Variants in POLR3E observed in about 807,000 individuals in gnomAD.
POLR3E encodes the protein RNA polymerase III subunit E.
Under a neutral mutation model 96.6 loss-of-function variants are expected in POLR3E, and 41 were observed. The ratio of observed to expected loss-of-function variants is 0.42; its 90% CI spans 0.33 to 0.55. The LOEUF (loss-of-function observed/expected upper bound fraction) is 0.55, where lower values mean the gene tolerates loss of function less well. POLR3E is among the 20% of genes least tolerant of loss of function. The pLI, the probability that POLR3E is intolerant of heterozygous loss-of-function variation, is 0.06. For synonymous variants in POLR3E, 396 were observed against 383.6 expected, an observed-to-expected ratio of 1.03 and a Z score of -0.38; for missense variants, 849 against 952.1, an observed-to-expected ratio of 0.89 and a Z score of 1.43.
intron 18 of POLR3E, chr16:22,327,796 C>G (rs2048634815): frequency 6.6e-6 from 1 of 152,282 alleles, no homozygotes. Flanking sequence ...TTACTTTTCC[C>G]CATGTACTAC....
In POLR3E at chr16:22,325,868, C is replaced by T. The variant is rs1226770618; in HGVS notation, c.1456C>T (p.Leu486=). 6.2e-7 allele frequency: 1 copy of T among 1,610,978 alleles called. No homozygotes were observed. The highest frequency in any genetic ancestry group is 8.5e-7 in the Non-Finnish European group (1 of 1,178,896). The stretch of plus-strand genomic sequence containing the variant: ...GGAGCTGCAGCGGCGGAAGGAGCAG[C>T]TGCGGGTGCCTGCGGTCCCGCCCGG... ...ERELQRRKEQ[L]RVPAVPPGVR... Residue 486 remains leucine (L), a synonymous_variant, in exon 18 of 21, where the codon CTG becomes TTG. Coordinates refer to ENST00000299853, the MANE Select transcript of POLR3E (RefSeq NM_018119.4).
rs891337355 is a variant in POLR3E, at chr16:22,313,064, G to A, written c.365-556G>A. 9.9e-5 allele frequency among the ~76,000 whole-genome samples: 15 copies of A among 152,162 alleles called. No homozygotes were observed. The highest frequency in any genetic ancestry group is 3.4e-3 in the Middle Eastern group (1 of 294). On this transcript the variant is annotated intron_variant, in intron 6 of 20. Transcript: ENST00000299853. The surrounding 1 kb of genome is among the most constrained non-coding windows in gnomAD (Gnocchi z 4.1). ...TCTTGAAAGCCACATCCCTTGCAGC[G>A]GGAGGGAAAGTCATGATCTTTATCA...
intron 17 of POLR3E, 33 bp from the exon 18 acceptor site, chr16:22,325,728 C>T (rs73541805): frequency 1.1e-5 from 16 of 1,513,832 alleles, no homozygotes; most frequent in Non-Finnish European, 1.1e-5. Context: ...GATCCCTGTG[C>T]CCTCCTGAGC....
Position 22,316,975 on chromosome 16 carries a change from C to T in POLR3E, c.729-20C>T. ...AGCCTGGATCAGCCCTGAGCCTCTGCCCCTGCCATGTCCCTGCAGTGAGTA... is the reference window on the plus strand; with the variant it reads ...AGCCTGGATCAGCCCTGAGCCTCTGTCCCTGCCATGTCCCTGCAGTGAGTA... On this transcript the variant is annotated intron_variant, in intron 10 of 20. Transcript: ENST00000299853. 1 of 1,613,608 alleles carries T rather than the reference C, an allele frequency of 6.2e-7. No individual in the cohort carries two copies. Among genetic ancestry groups the T allele is most frequent in the Non-Finnish European group, 8.5e-7 (1 of 1,179,490 alleles).
At chr16:22,302,108 C>T (rs1412425754) in intron 1 of POLR3E, among the ~76,000 whole-genome samples, 1 of 151,994 alleles carries the variant, frequency 6.6e-6, no homozygotes, top group Non-Finnish European at 1.5e-5. Flanking sequence ...TTCCCTCTTC[C>T]TGGAATTTCT....
intron 19 of POLR3E, among the ~76,000 whole-genome samples, chr16:22,330,408 CATT>C (rs1179643880): frequency 1.3e-5 from 2 of 152,166 alleles, no homozygotes; most frequent in Non-Finnish European, 2.9e-5. Context: ...AATTGGCTAT[CATT>C]GTTTATAGCA....
At chr16:22,330,423 T>C (rs889409304) in intron 19 of POLR3E, among the ~76,000 whole-genome samples, 2 of 152,228 alleles carry the variant, frequency 1.3e-5, no homozygotes, top group African/African-American at 4.8e-5. Flanking sequence ...TTTATAGCAT[T>C]GTCACAGAAT....
At chr16:22,312,592 C>T (rs1169128777) in intron 6 of POLR3E, among the ~76,000 whole-genome samples, 5 of 151,230 alleles carry the variant, frequency 3.3e-5, no homozygotes, top group South Asian at 2.1e-4. Context: ...CGCGGCCGGG[C>T]GCAGTGGCTC....
chr16:22,324,078 G>A (rs1598269117), intron 14 of POLR3E, among the ~76,000 whole-genome samples: 1 of 138,986 alleles, frequency 7.2e-6, no homozygotes, highest in Admixed American at 6.7e-5. Flanking sequence ...CTCGGAGCTG[G>A]GCAGGGCATC....
intron 19 of POLR3E, chr16:22,331,789 CT>C (rs1442141006): frequency 1.4e-5 from 4 of 295,988 alleles, no homozygotes; most frequent in Non-Finnish European, 2.6e-5. Flanking sequence ...TTCACCAGTT[CT>C]TTTGTTATGC....
chr16:22,322,645 A>G lies in POLR3E; in HGVS notation c.987-205A>G, dbSNP rs2048493048. Among the ~76,000 whole-genome samples the G allele has an allele frequency of 6.6e-6, 1 of 151,998 alleles. No homozygotes were observed. The highest frequency in any genetic ancestry group is 2.4e-5 in the African/African-American group (1 of 41,404). On this transcript the variant is annotated intron_variant, in intron 13 of 20. Coordinates refer to ENST00000299853, the MANE Select transcript of POLR3E (RefSeq NM_018119.4). The surrounding 1 kb of genome is among the most constrained non-coding windows in gnomAD (Gnocchi z 5.2). ...GGCGGGTTGAGGGGTAATAAGAGGAAGAACTGGGGGGATGTGTGGGGTAGA... is the reference window on the plus strand; with the variant it reads ...GGCGGGTTGAGGGGTAATAAGAGGAGGAACTGGGGGGATGTGTGGGGTAGA...
chr16:22,333,406 C>T (rs2048784823), intron 20 of POLR3E, among the ~76,000 whole-genome samples: 1 of 149,528 alleles, frequency 6.7e-6, no homozygotes, highest in South Asian at 2.1e-4. Context: ...GAGCCAAGAT[C>T]ATGCCGTTGC....
chr16:22,317,442 C>T (rs2048380212), intron 12 of POLR3E, among the ~76,000 whole-genome samples: 1 of 152,248 alleles, frequency 6.6e-6, no homozygotes, highest in Admixed American at 6.5e-5. Context: ...CTGGCCCCCA[C>T]AGGCGGGCTC....
At chr16:22,306,182 G>C (rs1327896790) in intron 3 of POLR3E, among the ~76,000 whole-genome samples, 1 of 152,164 alleles carries the variant, frequency 6.6e-6, no homozygotes, top group African/African-American at 2.4e-5. Flanking sequence ...GTGATTGGCT[G>C]CTCTCACTTT....
At chr16:22,312,601 T>A (rs1482752080) in intron 6 of POLR3E, among the ~76,000 whole-genome samples, 2 of 152,088 alleles carry the variant, frequency 1.3e-5, no homozygotes, top group Non-Finnish European at 2.9e-5. Flanking sequence ...GCGCAGTGGC[T>A]CATACCTGTA....
chr16:22,324,552 G>T lies in POLR3E; in HGVS notation c.1178G>T (p.Arg393Met). The change falls in exon 16 of 21, where the codon AGG becomes ATG. Residue 393 changes from arginine to methionine, a missense_variant. Coordinates refer to ENST00000299853, the MANE Select transcript of POLR3E (RefSeq NM_018119.4). ...TTCCTGGAGCACATGGCCGTGGTGA[G>T]GATCAACAAAGGCTGGGAGTTCATT... ...KDFLEHMAVV[R>M]INKGWEFILP... 5 of 1,613,146 alleles carry T rather than the reference G, an allele frequency of 3.1e-6. No individual in the cohort carries two copies. Among genetic ancestry groups the T allele is most frequent in the Non-Finnish European group, 4.2e-6 (5 of 1,179,626 alleles).
rs1415394197 is a variant in POLR3E at position 22,313,092 on chromosome 16, G to A, written c.365-528G>A. On this transcript the variant is annotated intron_variant, in intron 6 of 20. Coordinates refer to ENST00000299853, the MANE Select transcript of POLR3E (RefSeq NM_018119.4). The surrounding 1 kb of genome is among the most constrained non-coding windows in gnomAD (Gnocchi z 4.1). ...AGGGAAAGTCATGATCTTTATCAGA[G>A]GCCATGTGGACACTCCACCCAGTTC... is the stretch of plus-strand genomic sequence containing the variant. Among the ~76,000 whole-genome samples, 1 of 151,886 alleles carries A rather than the reference G, an allele frequency of 6.6e-6. No individual in the cohort carries two copies. The highest frequency in any genetic ancestry group is 2.4e-5 in the African/African-American group (1 of 41,320).
intron 18 of POLR3E, chr16:22,326,592 C>CA: frequency 2.1e-6 from 1 of 485,438 alleles, no homozygotes; most frequent in South Asian, 2.3e-5. Context: ...CCACCAAGAA[C>CA]ACCTGTTTCC....
chr16:22,331,081 T>C (rs2048730763), intron 19 of POLR3E, among the ~76,000 whole-genome samples: 1 of 131,578 alleles, frequency 7.6e-6, no homozygotes. Flanking sequence ...CTCGGCTCAC[T>C]GCAACCTCCG....
Sources: allele counts gnomAD v4.1 joint callset (sites outside exome capture counted in the v4.1 genomes callset), GRCh38; gene constraint gnomAD v4.1.1; non-coding constraint Gnocchi (gnomAD v3.1); transcripts MANE v1.5; gene names NCBI Gene and HGNC (gene_info 2026-07-23, HGNC 2026-07-21).